Variants in DGUOK observed in about 807,000 individuals in gnomAD.
DGUOK encodes deoxyguanosine kinase, mitochondrial.
In DGUOK, 30 loss-of-function variants were observed where a neutral mutation model predicts 36.6. The observed-to-expected ratio is 0.82, with a 90% confidence interval of 0.61 to 1.11. The LOEUF (loss-of-function observed/expected upper bound fraction) is 1.11. Ranked by LOEUF, DGUOK falls within the 50% of genes most tolerant of loss-of-function variation. The probability of loss-of-function intolerance (pLI) is 0.00; values close to 1 mark genes in which losing one functional copy is unlikely to be tolerated. For synonymous variants in DGUOK, 145 were observed against 126.3 expected (o/e 1.15, Z -0.99); for missense variants, 361 against 336.4 (o/e 1.07, Z -0.57).
At chr2:73,957,027 A>AAGAT (rs2104999545) in intron 4 of DGUOK, 98 bp from the exon 5 acceptor site, 2 of 804,060 alleles carry the variant, frequency 2.5e-6, no homozygotes, top group South Asian at 2.8e-5. Context: ...TGTAATGCCC[A>AAGAT]AGATAGACAT....
chr2:73,957,061 G>A (rs1047546134), intron 4 of DGUOK, 64 bp from the exon 5 acceptor site: 12 of 1,184,708 alleles, frequency 1.0e-5, no homozygotes, highest in Middle Eastern at 2.5e-4. Context: ...CAGAGCCCCC[G>A]AAGACTGCAT....
intron 1 of DGUOK, among the ~76,000 whole-genome samples, chr2:73,935,000 C>A (rs1008228180): frequency 6.6e-6 from 1 of 152,062 alleles, no homozygotes; most frequent in Non-Finnish European, 1.5e-5. Flanking sequence ...CGCTTGAACC[C>A]AGGAAACAGA....
At chr2:73,933,686 A>G (rs941463882) in intron 1 of DGUOK, among the ~76,000 whole-genome samples, 5 of 152,046 alleles carry the variant, frequency 3.3e-5, no homozygotes, top group Admixed American at 2.6e-4. Flanking sequence ...AAGCCTGCTG[A>G]CTGATTTTTA....
In DGUOK at chr2:73,957,238, G is replaced by GAAGT; in HGVS notation, c.707+3_707+6dup. The stretch of plus-strand genomic sequence containing the variant: ...AAGCCTGGCTTATTCACAAGACAAC[G>GAAGT]AAGTAAGTGGGGAGAAAAGAATGTA... On this transcript the variant is annotated frameshift_variant and splice_region_variant, in exon 5 of 7. Transcript: ENST00000264093. LOFTEE classifies it high-confidence loss of function. 29 of 1,611,974 alleles carry GAAGT rather than the reference G, an allele frequency of 1.8e-5. No homozygotes were observed. Among genetic ancestry groups the GAAGT allele is most frequent in the African/African-American group, 4.0e-5 (3 of 74,884 alleles).
rs373383510 is a variant in DGUOK, at chr2:73,938,298, G to C, written c.143-612G>C. Among the ~76,000 whole-genome samples the C allele has an allele frequency of 1.1e-4, 17 of 152,198 alleles. No homozygotes were observed. In the East Asian group the frequency reaches 2.9e-3, roughly 26 times the overall value. On this transcript the variant is annotated intron_variant, in intron 1 of 6. Transcript: ENST00000264093. ...TCAAGGGAGTCTCCTCTGACCTCCT[G>C]GGCTATATTAGTGCCATCCTGCATT...
At chr2:73,947,020 C>A in intron 3 of DGUOK, 114 bp downstream of exon 3, 1 of 959,560 alleles carries the variant, frequency 1.0e-6, no homozygotes. Flanking sequence ...GAAAAATTAT[C>A]TTCTTTTTTA....
intron 1 of DGUOK, 64 bp from the exon 2 acceptor site, chr2:73,938,846 G>T: frequency 8.9e-7 from 1 of 1,122,838 alleles, no homozygotes; most frequent in Non-Finnish European, 1.4e-6. Flanking sequence ...GCAGAGTTTA[G>T]TAGCAGCCTT....
intron 2 of DGUOK, among the ~76,000 whole-genome samples, chr2:73,942,093 A>G (rs1681948514): frequency 6.6e-6 from 1 of 151,936 alleles, no homozygotes; most frequent in African/African-American, 2.4e-5. Flanking sequence ...AATATTTAGT[A>G]GAGATGGGGT....
chr2:73,957,918 T>G, intron 5 of DGUOK: 1 of 439,482 alleles, frequency 2.3e-6, no homozygotes, highest in Non-Finnish European at 4.2e-6. Context: ...TGTTTGGTGC[T>G]CTGACTGTTT....
At chr2:73,958,561 CCTGGG>C in intron 6 of DGUOK, 144 bp from the exon 7 acceptor site, 1 of 717,366 alleles carries the variant, frequency 1.4e-6, no homozygotes, top group Non-Finnish European at 2.5e-6. Flanking sequence ...GCTATATGAC[CCTGGG>C]CTGCCCACAT....
At chr2:73,930,159 G>A (rs1156770877) in intron 1 of DGUOK, among the ~76,000 whole-genome samples, 1 of 152,220 alleles carries the variant, frequency 6.6e-6, no homozygotes, top group African/African-American at 2.4e-5. Flanking sequence ...AGAGGGTGTG[G>A]TGGGAACTTG....
chr2:73,948,938 T>A (rs996393470), intron 3 of DGUOK, among the ~76,000 whole-genome samples: 1 of 152,202 alleles, frequency 6.6e-6, no homozygotes, highest in Admixed American at 6.5e-5. Context: ...AGCAAATCTT[T>A]AATTTCTCTT....
intron 3 of DGUOK, 179 bp downstream of exon 3, chr2:73,947,085 A>G (rs1285450656): frequency 7.4e-6 from 5 of 680,042 alleles, no homozygotes; most frequent in Non-Finnish European, 1.3e-5. Flanking sequence ...ATTGTCATCT[A>G]TGTCAAGAAA....
Position 73,926,901 on chromosome 2 carries a change from C to T in DGUOK, c.-10C>T. On this transcript the variant is annotated 5_prime_UTR_variant, in exon 1 of 7. Coordinates refer to ENST00000264093, the MANE Select transcript of DGUOK (RefSeq NM_080916.3). ...CGGCGGAAGTGATCGCTGTGTGAAT[C>T]GTGGGTGGGATGGCCGCGGGCCGCC... 3 of 1,613,342 alleles carry T rather than the reference C, an allele frequency of 1.9e-6. No individual in the cohort carries two copies. The highest frequency in any genetic ancestry group is 2.2e-5 in the East Asian group (1 of 44,888).
intron 4 of DGUOK, among the ~76,000 whole-genome samples, chr2:73,953,851 T>G (rs1409958142): frequency 2.0e-5 from 3 of 151,224 alleles, no homozygotes; most frequent in Non-Finnish European, 4.4e-5. Context: ...CCCGAGTAGC[T>G]GGGACTACAG....
At chr2:73,954,486 A>C (rs1220254128) in intron 4 of DGUOK, among the ~76,000 whole-genome samples, 1 of 152,172 alleles carries the variant, frequency 6.6e-6, no homozygotes, top group Non-Finnish European at 1.5e-5. Flanking sequence ...CATGGTCAAC[A>C]TAGGGAGACC....
At chr2:73,941,820 A>G (rs189820307) in intron 2 of DGUOK, among the ~76,000 whole-genome samples, 43 of 150,514 alleles carry the variant, frequency 2.9e-4, no homozygotes, top group African/African-American at 9.8e-4. Context: ...GTTTTTTTCT[A>G]TTGAGATCTT....
chr2:73,958,234 C>T lies in DGUOK; in HGVS notation c.796C>T (p.Leu266Phe), dbSNP rs989266462. Residue 266 changes from leucine (L) to phenylalanine (F), a missense_variant, in exon 6 of 7, where the codon CTC (leucine) becomes TTC (phenylalanine). By Grantham distance (22) the Leu-to-Phe change is conservative. Transcript: ENST00000264093. ...TGAGGAAGTAACCAAACAAGAAGAC[C>T]TCATGAGAGAGGTGGGAAGGACTTT... ...FSEEVTKQEDLMREVNTFVKN... is the reference protein window; with the variant it reads ...FSEEVTKQEDFMREVNTFVKN... 1 of 1,612,926 alleles carries T rather than the reference C, an allele frequency of 6.2e-7. No homozygotes were observed. Among genetic ancestry groups the T allele is most frequent in the Non-Finnish European group, 8.5e-7 (1 of 1,179,110 alleles).
chr2:73,944,941 G>GC (rs145409722), intron 2 of DGUOK, among the ~76,000 whole-genome samples: 13,183 of 152,232 alleles, frequency 0.087, 853 homozygotes, highest in African/African-American at 0.18. Context: ...CACGTGTGAG[G>GC]CTGGTATGTG....
Sources: allele counts gnomAD v4.1 joint callset (sites outside exome capture counted in the v4.1 genomes callset), GRCh38; gene constraint gnomAD v4.1.1; transcripts MANE v1.5; gene names NCBI Gene and HGNC (gene_info 2026-07-23, HGNC 2026-07-21).